AGMO: variants seen among roughly 807,000 people sequenced by gnomAD.
AGMO encodes the protein glyceryl-ether monooxygenase.
Under a neutral mutation model 60.2 loss-of-function variants are expected in AGMO, and 75 were observed. That is an observed-to-expected ratio of 1.25 (90% confidence interval 1.03 to 1.51). The LOEUF is 1.51. AGMO is among the 40% of genes most tolerant of loss of function. The pLI, the probability that AGMO is intolerant of heterozygous loss-of-function variation, is 0.00. For missense variants in AGMO, 763 were observed against 525.5 expected (o/e 1.45, Z -4.42); for synonymous variants, 261 against 177.1 (o/e 1.47, Z -3.76).
the AGMO span, among the ~76,000 whole-genome samples, chr7:15,188,269 T>C: frequency 6.6e-6 from 1 of 152,288 alleles, no homozygotes; most frequent in Non-Finnish European, 1.5e-5. Flanking sequence ...AGTAAACTGC[T>C]TAAGTCTCAC....
Position 15,394,139 on chromosome 7 carries a change from G to C in AGMO, c.650C>G (p.Thr217Ser). Residue 217 changes from threonine (T) to serine (S), a missense_variant, in exon 6 of 13, where the codon ACT (threonine) becomes AGT (serine). Physicochemically the swap from Thr to Ser is moderately conservative, Grantham distance 58 (BLOSUM62 1). Coordinates refer to ENST00000342526, the MANE Select transcript of AGMO (RefSeq NM_001004320.2). ...NLGPLELILNTPSHHRVHHGR... is the reference protein window; with the variant it reads ...NLGPLELILNSPSHHRVHHGR... ...ATGATGAACCCTATGATGGCTAGGA[G>C]TATTAAGAATCAGTTCCAAAGGACC... 1.2e-6 allele frequency: 2 copies of C among 1,612,320 alleles called. No homozygotes were observed. Among genetic ancestry groups the C allele is most frequent in the Non-Finnish European group, 1.7e-6 (2 of 1,178,660 alleles).
At chr7:15,483,396 C>G (rs1447513859) in intron 3 of AGMO, among the ~76,000 whole-genome samples, 1 of 140,280 alleles carries the variant, frequency 7.1e-6, no homozygotes, top group South Asian at 2.3e-4. Flanking sequence ...GAAACCCCGT[C>G]TCTACTAAAA....
Position 15,494,544 on chromosome 7 carries a change from A to G in AGMO, c.409+50228T>C, listed in dbSNP as rs574399127. On this transcript the variant is annotated intron_variant, in intron 3 of 12. Coordinates refer to ENST00000342526, the MANE Select transcript of AGMO (RefSeq NM_001004320.2). ...GAACACTTTAATAAGCACCCAGTAA[A>G]GCTGCTCCCAGCCTGTGTAGCAAAG... 1.1e-3 allele frequency among the ~76,000 whole-genome samples: 171 copies of G among 152,340 alleles called. 1 individual carries two copies. The highest frequency in any genetic ancestry group is 3.6e-3 in the African/African-American group (150 of 41,580).
chr7:15,188,920 C>T, the AGMO span, among the ~76,000 whole-genome samples: 5 of 151,866 alleles, frequency 3.3e-5, no homozygotes, highest in Non-Finnish European at 7.4e-5. Flanking sequence ...CAGTTGTGTC[C>T]AAGAGAGAAT....
intron 12 of AGMO, among the ~76,000 whole-genome samples, chr7:15,229,488 A>G (rs1404684024): frequency 6.8e-6 from 1 of 146,016 alleles, no homozygotes; most frequent in Non-Finnish European, 1.5e-5. Flanking sequence ...CTCCCCATCT[A>G]CACATCCCCT....
chr7:15,334,847 ATAG>A (rs1781604188), intron 12 of AGMO, among the ~76,000 whole-genome samples: 1 of 152,162 alleles, frequency 6.6e-6, no homozygotes, highest in African/African-American at 2.4e-5. Flanking sequence ...ATTTTAAACA[ATAG>A]TAGAGCAAAA....
At chr7:15,307,209 T>A (rs1393682276) in intron 12 of AGMO, among the ~76,000 whole-genome samples, 2 of 152,010 alleles carry the variant, frequency 1.3e-5, no homozygotes, top group Non-Finnish European at 2.9e-5. Context: ...TAATTTATAT[T>A]CCCTTATGAC....
In AGMO at chr7:15,274,072, G is replaced by T. The variant is rs185182500; in HGVS notation, c.1264-72713C>A. Among the ~76,000 whole-genome samples the T allele has an allele frequency of 8.2e-3, 1,249 of 152,178 alleles. 6 individuals are homozygous for T. Among genetic ancestry groups the T allele is most frequent in the South Asian group, 0.016 (79 of 4,810 alleles). Reference sequence around the variant, plus strand: ...ATACAATCATGTCATCTGCAAACAGGGACTATTTGACTTCCTCTTTTCCTA... The same window carrying T: ...ATACAATCATGTCATCTGCAAACAGTGACTATTTGACTTCCTCTTTTCCTA... On this transcript the variant is annotated intron_variant, in intron 12 of 12. Coordinates refer to ENST00000342526, the MANE Select transcript of AGMO (RefSeq NM_001004320.2).
At chr7:15,117,833 G>A in the AGMO span, among the ~76,000 whole-genome samples, 2 of 151,956 alleles carry the variant, frequency 1.3e-5, no homozygotes, top group South Asian at 4.1e-4. Flanking sequence ...TACAGGAGAG[G>A]AGAATCTAGT....
At chr7:15,321,414 A>G (rs544245906) in intron 12 of AGMO, among the ~76,000 whole-genome samples, 1 of 152,310 alleles carries the variant, frequency 6.6e-6, no homozygotes, top group South Asian at 2.1e-4. Flanking sequence ...CAATAGTGAG[A>G]ATCTGTTGGT....
chr7:15,344,309 C>T (rs1177486165), intron 12 of AGMO, among the ~76,000 whole-genome samples: 3 of 152,160 alleles, frequency 2.0e-5, no homozygotes, highest in African/African-American at 7.2e-5. Flanking sequence ...GCAACACTTA[C>T]TGAGGTGCCA....
At chr7:15,366,528 T>C (rs1782987460) in intron 10 of AGMO, among the ~76,000 whole-genome samples, 2 of 152,118 alleles carry the variant, frequency 1.3e-5, no homozygotes, top group African/African-American at 4.8e-5. Flanking sequence ...AGTCCCCACA[T>C]ATGGATAAAT....
chr7:15,226,215 T>C (rs1239190584), intron 12 of AGMO, among the ~76,000 whole-genome samples: 1 of 152,072 alleles, frequency 6.6e-6, no homozygotes, highest in Non-Finnish European at 1.5e-5. Flanking sequence ...TTTCATGGCA[T>C]CTGATAACAA....
At chr7:15,198,346 C>T (rs969510564), downstream of AGMO, among the ~76,000 whole-genome samples, 3 of 151,406 alleles carry the variant, frequency 2.0e-5, no homozygotes, top group Non-Finnish European at 4.4e-5. Context: ...TTAATAATAG[C>T]TGTATGTTCT....
chr7:15,466,239 T>C (rs1782284364), intron 3 of AGMO, among the ~76,000 whole-genome samples: 1 of 152,162 alleles, frequency 6.6e-6, no homozygotes, highest in African/African-American at 2.4e-5. Context: ...CATACAAGTG[T>C]AGAAATGGAG....
chr7:15,220,298 C>T (rs1781880335), intron 12 of AGMO, among the ~76,000 whole-genome samples: 1 of 147,602 alleles, frequency 6.8e-6, no homozygotes, highest in South Asian at 2.1e-4. Flanking sequence ...GGGCTCACTG[C>T]AACCTCTGCC....
At chr7:15,336,418 C>CAAA (rs141362853) in intron 12 of AGMO, among the ~76,000 whole-genome samples, 22 of 140,678 alleles carry the variant, frequency 1.6e-4, no homozygotes, top group Admixed American at 8.7e-4. Context: ...CTCAATATGG[C>CAAA]AAAAAAAAAA....
the AGMO span, among the ~76,000 whole-genome samples, chr7:15,142,368 C>T: frequency 6.6e-6 from 1 of 152,086 alleles, no homozygotes; most frequent in Non-Finnish European, 1.5e-5. Flanking sequence ...TGAACCATAA[C>T]AGTCATAGCT....
the AGMO span, among the ~76,000 whole-genome samples, chr7:15,145,607 C>A: frequency 5.3e-5 from 8 of 151,808 alleles, no homozygotes; most frequent in African/African-American, 1.9e-4. Flanking sequence ...CCCATTAAAC[C>A]CTAGTGTTTT....
Sources: gnomAD v4.1 joint callset for allele counts (sites outside exome capture counted in the v4.1 genomes callset) on GRCh38, gnomAD v4.1.1 for gene constraint, MANE v1.5 for transcripts, NCBI Gene and HGNC (gene_info 2026-07-23, HGNC 2026-07-21) for gene names.